SRGAP3: variants seen among roughly 807,000 people sequenced by gnomAD.
The protein encoded by SRGAP3 is SLIT-ROBO Rho GTPase activating protein 3, also known as SLIT-ROBO Rho GTPase-activating protein 3.
SRGAP3 carries 39 observed loss-of-function variants against 121.1 expected under a neutral mutation model. The observed-to-expected ratio is 0.32, with a 90% CI of 0.25 to 0.42. The LOEUF (loss-of-function observed/expected upper bound fraction) is 0.42. Ranked by LOEUF, SRGAP3 falls within the 10% of genes least tolerant of loss-of-function variation. The pLI, the probability that SRGAP3 is intolerant of heterozygous loss-of-function variation, is 1.00. For synonymous variants in SRGAP3, 601 were observed against 570.0 expected (o/e 1.05, Z -0.77); for missense variants, 1,213 against 1,470.6 (o/e 0.82, Z 2.86).
intron 1 of SRGAP3, chr3:9,217,124 T>C (rs1441771116): frequency 6.6e-6 from 1 of 152,162 alleles, no homozygotes; most frequent in African/African-American, 2.4e-5. Flanking sequence ...TTTAACGTCA[T>C]TGAACTGTGC....
chr3:9,309,809 T>G (rs185357446), intron 3 of SRGAP3, among the ~76,000 whole-genome samples: 1,810 of 152,222 alleles, frequency 0.012, 20 homozygotes, highest in Non-Finnish European at 0.018. Context: ...CAGGGAGCCA[T>G]GATCACCACT....
At chr3:9,023,600 C>T (rs1944034719) in intron 14 of SRGAP3, among the ~76,000 whole-genome samples, 1 of 152,206 alleles carries the variant, frequency 6.6e-6, no homozygotes, top group African/African-American at 2.4e-5. Flanking sequence ...CCTACTCTAT[C>T]ATTGCACTGA....
At chr3:9,037,082 A>G (rs1559972599) in intron 11 of SRGAP3, 2 of 152,022 alleles carry the variant, frequency 1.3e-5, no homozygotes. Context: ...GGAGCAGGAG[A>G]GAGTTGGGAG....
At chr3:9,280,727 A>G (rs1404042392) in intron 3 of SRGAP3, among the ~76,000 whole-genome samples, 1 of 152,228 alleles carries the variant, frequency 6.6e-6, no homozygotes, top group African/African-American at 2.4e-5. Context: ...CTCGACACAG[A>G]CATTTAATAG....
chr3:9,093,596 T>A (rs1947847068), intron 3 of SRGAP3, among the ~76,000 whole-genome samples: 1 of 152,152 alleles, frequency 6.6e-6, no homozygotes, highest in Admixed American at 6.5e-5. Context: ...AACCCACTCA[T>A]CCATTCATCC....
rs369162597 is a variant in SRGAP3 at position 9,089,924 on chromosome 3, T to C, written c.424-9837A>G. On this transcript the variant is annotated intron_variant, in intron 3 of 21. Transcript: ENST00000383836. ...CAGATCATTTCTCCCCGGGGGTTGC[T>C]AAAAGGGTCTTCAGGAGTCTTGCAC... 2.3e-4 allele frequency among the ~76,000 whole-genome samples: 35 copies of C among 152,160 alleles called. No homozygotes were observed. The South Asian group carries it at 6.2e-3, about 27-fold the overall frequency.
chr3:9,103,855 C>G (rs553573057), intron 3 of SRGAP3, among the ~76,000 whole-genome samples: 2 of 152,300 alleles, frequency 1.3e-5, no homozygotes, highest in South Asian at 4.1e-4. Context: ...GTGCTCCTTC[C>G]ACACTCAGCT....
chr3:9,266,756 T>C (rs549707716), intron 3 of SRGAP3, among the ~76,000 whole-genome samples: 10 of 151,960 alleles, frequency 6.6e-5, no homozygotes, highest in Middle Eastern at 3.4e-3. Context: ...CTGCACTCCA[T>C]TTGGAGGCAA....
intron 3 of SRGAP3, among the ~76,000 whole-genome samples, chr3:9,301,454 T>C (rs934591657): frequency 2.0e-5 from 3 of 152,232 alleles, no homozygotes; most frequent in African/African-American, 7.2e-5. Context: ...TAGAGGCCTC[T>C]GTGTCAGTCA....
intron 14 of SRGAP3, among the ~76,000 whole-genome samples, chr3:9,020,216 ATCTG>A (rs148399034): frequency 0.025 from 3,838 of 152,206 alleles, 74 homozygotes; most frequent in Non-Finnish European, 0.037. Context: ...TGATTTTTTG[ATCTG>A]TCTGTCTGCA....
intron 17 of SRGAP3, among the ~76,000 whole-genome samples, chr3:9,012,864 G>A (rs1334061681): frequency 6.6e-6 from 1 of 152,182 alleles, no homozygotes; most frequent in Admixed American, 6.5e-5. Flanking sequence ...TTCTATTGAA[G>A]ATGCTAAGAG....
intron 2 of SRGAP3, among the ~76,000 whole-genome samples, chr3:9,111,550 C>T (rs547208580): frequency 6.6e-6 from 1 of 152,270 alleles, no homozygotes; most frequent in East Asian, 1.9e-4. Flanking sequence ...TGCAGGGTCT[C>T]ACACACTCCA....
rs139070043 is a variant in SRGAP3, at chr3:9,213,680, T to C, written c.67+35205A>G. ...ATCACCTCCCTGTTAAAATCTCCAA[T>C]TGCACATAGAATAAAATACGAACTC... On this transcript the variant is annotated intron_variant, in intron 1 of 21. Transcript: ENST00000383836. Among the ~76,000 whole-genome samples, 531 of 152,294 alleles carry C rather than the reference T, an allele frequency of 3.5e-3. 3 individuals are homozygous for C. Among genetic ancestry groups the C allele is most frequent in the African/African-American group, 0.012 (483 of 41,558 alleles).
At chr3:9,189,125 C>T (rs1951681789) in intron 1 of SRGAP3, among the ~76,000 whole-genome samples, 1 of 152,200 alleles carries the variant, frequency 6.6e-6, no homozygotes, top group Admixed American at 6.5e-5. Flanking sequence ...GAAGGAGCCA[C>T]CATAATTTGG....
chr3:9,260,737 A>G (rs1954237395), intron 3 of SRGAP3, among the ~76,000 whole-genome samples: 1 of 152,176 alleles, frequency 6.6e-6, no homozygotes, highest in Non-Finnish European at 1.5e-5. Context: ...ACAGACTTAA[A>G]CGTTCCTGCC....
At chr3:9,033,188 T>G (rs984677359) in intron 11 of SRGAP3, among the ~76,000 whole-genome samples, 13 of 152,222 alleles carry the variant, frequency 8.5e-5, no homozygotes, top group African/African-American at 3.1e-4. Context: ...TCACCAAGTC[T>G]CAACTCCCAA....
rs1209631724 is a variant in SRGAP3, at chr3:8,984,869, G to C, written c.*650C>G. 1 of 229,622 alleles carries C rather than the reference G, an allele frequency of 4.4e-6. No individual in the cohort carries two copies. The highest frequency in any genetic ancestry group is 8.6e-6 in the Non-Finnish European group (1 of 115,686). The allele number at this position is 229,622 out of a possible 1,614,324, so 14.2% of individuals were successfully genotyped here. On this transcript the variant is annotated 3_prime_UTR_variant, in exon 22 of 22. Transcript: ENST00000383836. ...CTGGAGACAGTGGGAGTCTGTTTTT[G>C]TTTGTGTTTTTCTGCAGGTTAGTGG...
intron 3 of SRGAP3, among the ~76,000 whole-genome samples, chr3:9,298,295 A>G (rs1954986841): frequency 6.6e-6 from 1 of 152,196 alleles, no homozygotes; most frequent in East Asian, 1.9e-4. Context: ...TTTTATTATT[A>G]TTACTATTAA....
intron 1 of SRGAP3, among the ~76,000 whole-genome samples, chr3:9,204,335 G>A (rs1218281189): frequency 5.9e-5 from 9 of 152,206 alleles, no homozygotes; most frequent in Non-Finnish European, 1.2e-4. Flanking sequence ...CAGTGGCGTT[G>A]ACAGAGCATG....
Sources: gnomAD v4.1 joint callset for allele counts (sites outside exome capture counted in the v4.1 genomes callset) on GRCh38, gnomAD v4.1.1 for gene constraint, MANE v1.5 for transcripts, NCBI Gene and HGNC (gene_info 2026-07-23, HGNC 2026-07-21) for gene names.